Variants in CDH15 observed in about 807,000 individuals in gnomAD.
CDH15 encodes cadherin-15.
In CDH15, 73 loss-of-function variants were observed where a neutral mutation model predicts 69.4. That is an observed-to-expected ratio of 1.05 (90% confidence interval 0.87 to 1.28). The LOEUF (loss-of-function observed/expected upper bound fraction) is 1.28. Ranked by LOEUF, CDH15 falls within the 50% of genes most tolerant of loss-of-function variation. The probability of loss-of-function intolerance (pLI) is 0.00; values close to 1 mark genes in which losing one functional copy is unlikely to be tolerated. For synonymous variants in CDH15, 624 were observed against 507.7 expected (o/e 1.23, Z -3.08); for missense variants, 1,343 against 1,133.6 (o/e 1.18, Z -2.65).
At chr16:89,183,410 G>A in intron 3 of CDH15, 138 bp from the exon 4 acceptor site, 1 of 942,028 alleles carries the variant, frequency 1.1e-6, no homozygotes, top group Admixed American at 2.1e-5. Flanking sequence ...GCCCCACCCT[G>A]TGCTGTTTCT....
At chr16:89,194,432 C>T (rs1052653237) in intron 13 of CDH15, among the ~76,000 whole-genome samples, 4 of 152,218 alleles carry the variant, frequency 2.6e-5, no homozygotes, top group South Asian at 4.1e-4. Context: ...CGGTTAGGAG[C>T]GTGTGTCCCC....
In CDH15 at chr16:89,179,482, G is replaced by T. The variant is rs2287359; in HGVS notation, c.109G>T (p.Ala37Ser). 0.082 allele frequency: 132,247 copies of T among 1,613,476 alleles called. 10,835 individuals are homozygous for T. Among genetic ancestry groups the T allele is most frequent in the East Asian group, 0.45 (20,320 of 44,864 alleles). The change falls in exon 2 of 14, where the codon GCG becomes TCG. Residue 37 changes from alanine (A) to serine (S), a missense_variant. Coordinates refer to ENST00000289746, the MANE Select transcript of CDH15 (RefSeq NM_004933.3). ...RPTTLYPWRR[A>S]PALSRVRRAW... is the part of the protein sequence containing the mutation. ...CACCACCCTGTACCCCTGGCGCCGG[G>T]CGCCTGCCCTGAGCCGCGTGCGGAG... is the stretch of plus-strand genomic sequence containing the variant.
rs1315727560 is a variant in CDH15, at chr16:89,180,180, A to G, written c.202-20A>G. ...CCCCGCCCGGAGCAGCTCTCCCCAA[A>G]CCCATTTCCTGCCCCACAGATCAAG... On this transcript the variant is annotated intron_variant, in intron 2 of 13. Coordinates refer to ENST00000289746, the MANE Select transcript of CDH15 (RefSeq NM_004933.3). 30 of 1,609,654 alleles carry G rather than the reference A, an allele frequency of 1.9e-5. No homozygotes were observed. The highest frequency in any genetic ancestry group is 2.5e-5 in the Non-Finnish European group (29 of 1,179,044).
intron 1 of CDH15, 89 bp downstream of exon 1, chr16:89,171,962 A>G (rs1246178904): frequency 1.5e-6 from 2 of 1,370,086 alleles, no homozygotes; most frequent in Non-Finnish European, 2.0e-6. Context: ...GGTCTCCCCC[A>G]GAACCACTGG....
intron 11 of CDH15, 22 bp from the exon 12 acceptor site, chr16:89,193,448 C>G (rs765389405): frequency 6.3e-7 from 1 of 1,596,614 alleles, no homozygotes; most frequent in South Asian, 1.1e-5. Flanking sequence ...CTGGCCCCAG[C>G]CTGCGTCCCC....
intron 7 of CDH15, among the ~76,000 whole-genome samples, chr16:89,188,659 CAG>C (rs1462788177): frequency 2.1e-5 from 3 of 146,102 alleles, no homozygotes; most frequent in Non-Finnish European, 4.5e-5. Flanking sequence ...CCGGCACACA[CAG>C]ATGCCCACAC....
At position 89,182,007 on chromosome 16, in the gene CDH15, A is replaced by G. The variant is rs73262001; in HGVS notation, c.358-1541A>G. Among the ~76,000 whole-genome samples, 1,025 of 150,016 alleles carry G rather than the reference A, an allele frequency of 6.8e-3. 21 individuals are homozygous for G. The highest frequency in any genetic ancestry group is 0.024 in the African/African-American group (976 of 40,134). Reference sequence around the variant, plus strand: ...GAGGAGAAGAAGAAAGAAGAAGAAGAAAAAAAAGGGCAGTGGGAGCAAGCC... The same window carrying G: ...GAGGAGAAGAAGAAAGAAGAAGAAGGAAAAAAAGGGCAGTGGGAGCAAGCC... On this transcript the variant is annotated intron_variant, in intron 3 of 13. Coordinates refer to ENST00000289746, the MANE Select transcript of CDH15 (RefSeq NM_004933.3).
chr16:89,179,638 A>AT, intron 2 of CDH15, 64 bp downstream of exon 2: 1 of 1,479,080 alleles, frequency 6.8e-7, no homozygotes, highest in Non-Finnish European at 9.1e-7. Flanking sequence ...GGCCTCCCTC[A>AT]TTCTCTAAAG....
rs1258707018 is a variant in CDH15, at chr16:89,195,234, G to A, written c.*79G>A. On this transcript the variant is annotated 3_prime_UTR_variant, in exon 14 of 14. Coordinates refer to ENST00000289746, the MANE Select transcript of CDH15 (RefSeq NM_004933.3). The stretch of plus-strand genomic sequence containing the variant: ...CTGCAGAGGCAGCCTGAGGTCACCG[G>A]GCCCGACCCCCCTGGGCCTGGGGCA... The A allele has an allele frequency of 7.1e-7, 1 of 1,414,026 alleles. No individual in the cohort carries two copies. The highest frequency in any genetic ancestry group is 2.5e-5 in the East Asian group (1 of 40,186). The allele number at this position is 1,414,026 out of a possible 1,614,324, so 87.6% of individuals were successfully genotyped here.
In CDH15 at chr16:89,171,859, G is replaced by A; in HGVS notation, c.28G>A (p.Gly10Arg). The A allele has an allele frequency of 6.4e-7, 1 of 1,559,242 alleles. No homozygotes were observed. The highest frequency in any genetic ancestry group is 8.7e-7 in the Non-Finnish European group (1 of 1,155,432). Residue 10 changes from glycine (G) to arginine (R), a missense_variant, in exon 1 of 14, where the codon GGG becomes AGG. Coordinates refer to ENST00000289746, the MANE Select transcript of CDH15 (RefSeq NM_004933.3). The part of the protein sequence containing the change: MDAAFLLVL[G>R]LLAQSLCLSL... ...GGACGCCGCGTTCCTCCTCGTCCTC[G>A]GGCTGTTGGCCCAGGTAAGGCATCG...
chr16:89,193,716 C>T, intron 12 of CDH15, 39 bp from the exon 13 acceptor site: 2 of 1,592,084 alleles, frequency 1.3e-6, no homozygotes, highest in Non-Finnish European at 1.7e-6. Context: ...CAGGGCCACC[C>T]GAGGGATGCC....
intron 1 of CDH15, among the ~76,000 whole-genome samples, chr16:89,174,049 A>G (rs1413804904): frequency 6.6e-6 from 1 of 152,212 alleles, no homozygotes; most frequent in Non-Finnish European, 1.5e-5. Context: ...ACTGTGACCA[A>G]GGCCAAGAAG....
chr16:89,185,293 C>T lies in CDH15; in HGVS notation c.623C>T (p.Thr208Ile), dbSNP rs560984177. The change falls in exon 5 of 14, where the codon ACA (threonine) becomes ATA (isoleucine). Residue 208 changes from threonine (T) to isoleucine (I), a missense_variant. Transcript: ENST00000289746. ...GAGCTCTTCAGCATCGACGAGCTCA[C>T]AGGAGAGATCCGCACAGTGCAAGTG... ...SPELFSIDEL[T>I]GEIRTVQVGL... 3.1e-6 allele frequency: 5 copies of T among 1,606,216 alleles called. No individual in the cohort carries two copies. In the East Asian group the frequency reaches 9.0e-5, roughly 29 times the overall value.
At chr16:89,185,541 C>A in intron 5 of CDH15, 1 of 661,400 alleles carries the variant, frequency 1.5e-6, no homozygotes, top group Non-Finnish European at 2.7e-6. Flanking sequence ...TGGGAGGGGT[C>A]TGGTGCAAGT....
At chr16:89,190,944 GA>G (rs1339517501) in intron 8 of CDH15, among the ~76,000 whole-genome samples, 1 of 152,130 alleles carries the variant, frequency 6.6e-6, no homozygotes, top group African/African-American at 2.4e-5. Context: ...TCACCTCACA[GA>G]AGGTGCTGGT....
intron 6 of CDH15, 71 bp from the exon 7 acceptor site, chr16:89,188,029 G>A: frequency 1.4e-6 from 2 of 1,387,452 alleles, no homozygotes; most frequent in Non-Finnish European, 2.0e-6. Flanking sequence ...GGTGGGCTGA[G>A]GGCCCTGAGG....
At chr16:89,184,830 A>G (rs1186500416) in intron 4 of CDH15, among the ~76,000 whole-genome samples, 1 of 152,174 alleles carries the variant, frequency 6.6e-6, no homozygotes, top group African/African-American at 2.4e-5. Context: ...TAGCCCCTGC[A>G]CTGGGCAGGC....
At position 89,192,223 on chromosome 16, in the gene CDH15, G is replaced by A. The variant is rs1915664289; in HGVS notation, c.1634G>A (p.Arg545Gln). 2.0e-6 allele frequency: 3 copies of A among 1,529,212 alleles called. No individual in the cohort carries two copies. Among genetic ancestry groups the A allele is most frequent in the East Asian group, 2.5e-5 (1 of 40,496 alleles). 94.7% of individuals were successfully genotyped at this position (1,529,212 alleles called of 1,614,324 possible). A position where few individuals can be genotyped will look rare whatever the true frequency, so the allele number is the denominator to read the frequency against. The change falls in exon 11 of 14, where the codon CGG (arginine) becomes CAG (glutamine). Residue 545 changes from arginine to glutamine, a missense_variant. Coordinates refer to ENST00000289746, the MANE Select transcript of CDH15 (RefSeq NM_004933.3). ...TCCGCAGTGAGCCACGCGCGCCTGC[G>A]GCCGCGACACCAGGTCCCCGAAGGC... is the stretch of plus-strand genomic sequence containing the variant. ...SQVNVSHARLRPRHQVPEGLH... is the reference protein window; with the variant it reads ...SQVNVSHARLQPRHQVPEGLH...
intron 1 of CDH15, among the ~76,000 whole-genome samples, chr16:89,173,956 C>T (rs936998229): frequency 2.0e-5 from 3 of 152,226 alleles, no homozygotes; most frequent in African/African-American, 7.2e-5. Context: ...CCCACTTCTG[C>T]ATCTGGGTTT....
Sources: allele counts gnomAD v4.1 joint callset (sites outside exome capture counted in the v4.1 genomes callset), GRCh38; gene constraint gnomAD v4.1.1; transcripts MANE v1.5; gene names NCBI Gene and HGNC (gene_info 2026-07-23, HGNC 2026-07-21).